SNX29: variants seen among roughly 807,000 people sequenced by gnomAD.
The protein encoded by SNX29 is sorting nexin 29.
Under a neutral mutation model 102.1 loss-of-function variants are expected in SNX29, and 78 were observed. That is an observed-to-expected ratio of 0.76 (90% CI 0.64 to 0.92). The LOEUF is 0.92. SNX29 is among the 40% of genes least tolerant of loss of function. SNX29 has a pLI of 0.00. For missense variants in SNX29, 1,280 were observed against 1,061.7 expected (o/e 1.21, Z -2.86); for synonymous variants, 580 against 414.5 (o/e 1.40, Z -4.85).
At chr16:12,492,267 T>C (rs1197025537) in intron 19 of SNX29, among the ~76,000 whole-genome samples, 1 of 152,252 alleles carries the variant, frequency 6.6e-6, no homozygotes, top group Non-Finnish European at 1.5e-5. Flanking sequence ...GATTTGCATT[T>C]CTCTCATGGC....
intron 13 of SNX29, among the ~76,000 whole-genome samples, chr16:12,151,923 A>G (rs887987806): frequency 1.3e-5 from 2 of 152,076 alleles, no homozygotes; most frequent in Admixed American, 6.5e-5. Context: ...TTTAGTAGAG[A>G]TGAAGTTTTG....
At chr16:12,459,627 T>A (rs1330972030) in intron 18 of SNX29, among the ~76,000 whole-genome samples, 2 of 152,088 alleles carry the variant, frequency 1.3e-5, no homozygotes, top group Non-Finnish European at 2.9e-5. Flanking sequence ...GGAGGGAGTG[T>A]CATATCTAGA....
At chr16:12,341,273 T>A (rs1311263414) in intron 15 of SNX29, among the ~76,000 whole-genome samples, 1 of 152,254 alleles carries the variant, frequency 6.6e-6, no homozygotes, top group Non-Finnish European at 1.5e-5. Flanking sequence ...GTGATTTGTA[T>A]GACCTTGAAC....
intron 11 of SNX29, among the ~76,000 whole-genome samples, chr16:12,092,285 A>AGAAGGAGGGAAGGAAG (rs55837073): frequency 6.6e-6 from 1 of 151,458 alleles, no homozygotes; most frequent in Admixed American, 6.6e-5. Context: ...AGACATTTAA[A>AGAAGGAGGGAAGGAAG]GAAGGAAGGA....
At chr16:12,195,334 G>T (rs192044239) in intron 13 of SNX29, among the ~76,000 whole-genome samples, 1 of 152,170 alleles carries the variant, frequency 6.6e-6, no homozygotes. Flanking sequence ...TATATTCAAA[G>T]CATCCTCATG....
chr16:12,022,787 C>G (rs906694562), intron 3 of SNX29, among the ~76,000 whole-genome samples: 4 of 152,078 alleles, frequency 2.6e-5, no homozygotes, highest in Admixed American at 2.6e-4. Flanking sequence ...CCCTTCTTAG[C>G]CGTTTCATGG....
In SNX29 at chr16:12,078,942, C is replaced by CT. The variant is rs1216127580; in HGVS notation, c.1402+27_1402+28insT. 4 of 1,566,936 alleles carry CT rather than the reference C, an allele frequency of 2.6e-6. No homozygotes were observed. In the South Asian group the frequency reaches 4.7e-5, roughly 18 times the overall value. On this transcript the variant is annotated intron_variant, in intron 11 of 20. Transcript: ENST00000566228. ...TAAGTACTTTCGCAGCCCCCTCCAC[C>CT]AGCTCTGGGATGACTTCTGGCCCAC...
intron 11 of SNX29, among the ~76,000 whole-genome samples, chr16:12,106,617 G>A (rs1009817506): frequency 2.0e-5 from 3 of 150,738 alleles, no homozygotes; most frequent in Non-Finnish European, 2.9e-5. Context: ...GGGACTACAG[G>A]CACGTGCCAC....
intron 12 of SNX29, among the ~76,000 whole-genome samples, chr16:12,129,151 T>C (rs1201923014): frequency 6.6e-6 from 1 of 152,232 alleles, no homozygotes; most frequent in African/African-American, 2.4e-5. Flanking sequence ...CAGGTGGAAA[T>C]GAGACTAGAC....
intron 14 of SNX29, among the ~76,000 whole-genome samples, chr16:12,238,973 G>GC (rs2078019107): frequency 6.6e-6 from 1 of 152,186 alleles, no homozygotes; most frequent in Non-Finnish European, 1.5e-5. Context: ...AAACAGGAAG[G>GC]CCAAAAGGAC....
intron 15 of SNX29, among the ~76,000 whole-genome samples, chr16:12,319,094 A>C (rs2080846289): frequency 6.6e-6 from 1 of 152,172 alleles, no homozygotes; most frequent in African/African-American, 2.4e-5. Context: ...GTCATGCTTC[A>C]AGGCCCAGGA....
intron 10 of SNX29, among the ~76,000 whole-genome samples, chr16:12,075,148 C>A (rs892701271): frequency 6.6e-6 from 1 of 152,214 alleles, no homozygotes; most frequent in African/African-American, 2.4e-5. Context: ...TCATCTGAAG[C>A]CTTCTTCTCT....
chr16:12,337,239 C>A (rs531814392), intron 15 of SNX29, among the ~76,000 whole-genome samples: 1 of 152,168 alleles, frequency 6.6e-6, no homozygotes, highest in African/African-American at 2.4e-5. Context: ...TCCACAGTTG[C>A]TGGAGATAGG....
At chr16:12,540,237 C>T (rs180884639) in intron 20 of SNX29, among the ~76,000 whole-genome samples, 155 of 152,178 alleles carry the variant, frequency 1.0e-3, no homozygotes, top group South Asian at 2.3e-3. Context: ...GTGGCTGACC[C>T]GCTCCCCCCA....
In SNX29 at chr16:12,571,897, C is replaced by G. The variant is rs1324014759; in HGVS notation, c.*3268C>G. On this transcript the variant is annotated 3_prime_UTR_variant, in exon 21 of 21. Transcript: ENST00000566228. Reference sequence around the variant, plus strand: ...AGTTTGGAGCTGAGGTTCAAAGCCCCCTGCATTTCTCTACTGGCAGGCCCT... The same window carrying G: ...AGTTTGGAGCTGAGGTTCAAAGCCCGCTGCATTTCTCTACTGGCAGGCCCT... 7.5e-6 allele frequency: 8 copies of G among 1,062,010 alleles called. No individual in the cohort carries two copies. The African/African-American group carries it at 9.9e-5, about 13-fold the overall frequency. 65.8% of individuals were successfully genotyped at this position (1,062,010 alleles called of 1,614,324 possible). A position where few individuals can be genotyped will look rare whatever the true frequency, so the allele number is the denominator to read the frequency against.
At chr16:12,414,471 C>T (rs774469335) in intron 18 of SNX29, among the ~76,000 whole-genome samples, 2 of 152,190 alleles carry the variant, frequency 1.3e-5, no homozygotes, top group Non-Finnish European at 2.9e-5. Flanking sequence ...TAAGTGTGGT[C>T]TCCATATCCC....
At position 12,473,767 on chromosome 16, in the gene SNX29, G is replaced by A. The variant is rs547410894; in HGVS notation, c.2038-3952G>A. On this transcript the variant is annotated intron_variant, in intron 18 of 20. Transcript: ENST00000566228. ...ATGGCTACTAGAGTGACCTCTGGGT[G>A]TCCTCTCTGCTACACTTCCACCAGT... 5.3e-5 allele frequency among the ~76,000 whole-genome samples: 8 copies of A among 152,296 alleles called. No individual in the cohort carries two copies. The South Asian group carries it at 1.7e-3, about 32-fold the overall frequency.
chr16:12,473,788 C>G (rs1012097082), intron 18 of SNX29, among the ~76,000 whole-genome samples: 5 of 152,132 alleles, frequency 3.3e-5, no homozygotes, highest in Admixed American at 6.5e-5. Flanking sequence ...TACACTTCCA[C>G]CAGTACCGTG....
chr16:12,295,667 T>C (rs1194701566), intron 15 of SNX29, among the ~76,000 whole-genome samples: 1 of 152,240 alleles, frequency 6.6e-6, no homozygotes, highest in South Asian at 2.1e-4. Context: ...ACAAGTACTT[T>C]AGAAAAGTTT....
Sources: allele counts gnomAD v4.1 joint callset (sites outside exome capture counted in the v4.1 genomes callset), GRCh38; gene constraint gnomAD v4.1.1; transcripts MANE v1.5; gene names NCBI Gene and HGNC (gene_info 2026-07-23, HGNC 2026-07-21).